LRIF1: variants seen among roughly 807,000 people sequenced by gnomAD.
LRIF1 encodes ligand dependent nuclear receptor interacting factor 1.
A neutral mutation model predicts 52.7 loss-of-function variants in LRIF1; 32 were observed. The observed-to-expected ratio is 0.61, with a 90% CI of 0.46 to 0.82. The LOEUF (loss-of-function observed/expected upper bound fraction) is 0.82, where lower values mean the gene tolerates loss of function less well. Among genes scored for constraint, LRIF1 ranks in the 40% least tolerant of loss-of-function variants. The pLI, the probability that LRIF1 is intolerant of heterozygous loss-of-function variation, is 0.00. For synonymous variants in LRIF1, 323 were observed against 317.4 expected (o/e 1.02, Z -0.19); for missense variants, 887 against 892.0 (o/e 0.99, Z 0.07).
chr1:110,886,021 T>TTTTA, the LRIF1 span, among the ~76,000 whole-genome samples: 1 of 152,232 alleles, frequency 6.6e-6, no homozygotes, highest in East Asian at 1.9e-4. Context: ...AGAGGATTGC[T>TTTTA]TTTAACATTT....
the LRIF1 span, chr1:110,941,315 T>C: frequency 3.3e-5 from 5 of 152,054 alleles, no homozygotes; most frequent in East Asian, 9.6e-4. Context: ...TTAAGAACCA[T>C]TAATTTATAC....
the LRIF1 span, among the ~76,000 whole-genome samples, chr1:110,876,355 A>G: frequency 6.6e-6 from 1 of 152,208 alleles, no homozygotes; most frequent in Non-Finnish European, 1.5e-5. Context: ...TGTATTCTTC[A>G]TTTACATAAA....
the LRIF1 span, among the ~76,000 whole-genome samples, chr1:110,898,159 C>T: frequency 4.6e-5 from 7 of 151,982 alleles, no homozygotes; most frequent in African/African-American, 1.5e-4. Flanking sequence ...AGGCAGATCA[C>T]GAGGTCAGGA....
the LRIF1 span, among the ~76,000 whole-genome samples, chr1:110,901,834 T>C: frequency 6.6e-6 from 1 of 152,220 alleles, no homozygotes; most frequent in African/African-American, 2.4e-5. Flanking sequence ...ATGCACAAAA[T>C]GAAACTTATC....
Position 110,951,831 on chromosome 1 carries a change from A to G in LRIF1, c.1053T>C (p.Pro351=), listed in dbSNP as rs781151857. The G allele has an allele frequency of 6.2e-7, 1 of 1,612,956 alleles. No individual in the cohort carries two copies. Among genetic ancestry groups the G allele is most frequent in the Non-Finnish European group, 8.5e-7 (1 of 1,180,024 alleles). Residue 351 remains proline, a synonymous_variant, in exon 2 of 4, where the codon CCT becomes CCC. Coordinates refer to ENST00000369763, the MANE Select transcript of LRIF1 (RefSeq NM_018372.4). ...ACATAACCAAAGCATTATCTTTAAT[A>G]GGCATATTTTTGGATCGCGTCCCAC... ...DPSGTRSKNM[P]IKDNALVMFN...
chr1:110,907,803 G>T, the LRIF1 span, among the ~76,000 whole-genome samples: 4 of 151,928 alleles, frequency 2.6e-5, no homozygotes, highest in Non-Finnish European at 5.9e-5. Flanking sequence ...AACCCAGATG[G>T]CCCACTCACA....
the LRIF1 span, chr1:110,937,127 T>C: frequency 6.6e-6 from 1 of 152,224 alleles, no homozygotes; most frequent in African/African-American, 2.4e-5. Context: ...AATACAATAA[T>C]AGCTGGAGAC....
chr1:110,906,047 A>G, the LRIF1 span, among the ~76,000 whole-genome samples: 1 of 152,182 alleles, frequency 6.6e-6, no homozygotes, highest in African/African-American at 2.4e-5. Context: ...AATAAAAAGC[A>G]AGAAACTAAA....
the LRIF1 span, among the ~76,000 whole-genome samples, chr1:110,879,868 T>G: frequency 1.3e-5 from 2 of 152,194 alleles, no homozygotes; most frequent in Non-Finnish European, 2.9e-5. Flanking sequence ...ATGGCGAGCC[T>G]GATCGAGGTT....
chr1:110,953,312 T>C (rs1658560291), intron 1 of LRIF1, among the ~76,000 whole-genome samples: 1 of 152,208 alleles, frequency 6.6e-6, no homozygotes, highest in African/African-American at 2.4e-5. Flanking sequence ...CTAAGCTATC[T>C]CTCATGGTGT....
the LRIF1 span, among the ~76,000 whole-genome samples, chr1:110,885,552 A>AAAC: frequency 3.3e-5 from 5 of 149,832 alleles, no homozygotes; most frequent in African/African-American, 4.9e-5. Context: ...AACAAAAAAC[A>AAAC]AACAACAACA....
the LRIF1 span, among the ~76,000 whole-genome samples, chr1:110,915,015 T>C: frequency 6.6e-6 from 1 of 152,182 alleles, no homozygotes; most frequent in African/African-American, 2.4e-5. Flanking sequence ...AGTAGCAGCA[T>C]TATTTTTAAC....
chr1:110,962,555 A>G (rs375321860), intron 1 of LRIF1, among the ~76,000 whole-genome samples: 1 of 151,900 alleles, frequency 6.6e-6, no homozygotes, highest in African/African-American at 2.4e-5. Context: ...TTGTATGCTT[A>G]TAATAGTAAT....
At chr1:110,926,265 G>A in the LRIF1 span, among the ~76,000 whole-genome samples, 4 of 151,940 alleles carry the variant, frequency 2.6e-5, no homozygotes, top group Admixed American at 6.5e-5. Flanking sequence ...GGGTAATCAT[G>A]ACAACACAAT....
chr1:110,928,114 G>A, the LRIF1 span, among the ~76,000 whole-genome samples: 1 of 152,118 alleles, frequency 6.6e-6, no homozygotes, highest in Non-Finnish European at 1.5e-5. Flanking sequence ...TTTTGGCGGA[G>A]TAGGTCTGAA....
At chr1:110,934,195 A>G in the LRIF1 span, among the ~76,000 whole-genome samples, 35 of 152,318 alleles carry the variant, frequency 2.3e-4, no homozygotes, top group Non-Finnish European at 4.1e-4. Flanking sequence ...AGTGATACCC[A>G]GGTACTATGT....
In LRIF1 at chr1:110,952,135, TA is replaced by T. The variant is rs1282287366; in HGVS notation, c.748del (p.Tyr250ThrfsTer8). ...NVVTKNFQNI[Y>X]PKPVTEIAKP... ...TGCTATTTCTGTAACAGGTTTTGGGTAAATGTTTTGAAAGTTCTTGGTAACT... is the reference window on the plus strand; with the variant it reads ...TGCTATTTCTGTAACAGGTTTTGGGTAATGTTTTGAAAGTTCTTGGTAACT... On this transcript the variant is annotated frameshift_variant, in exon 2 of 4. Transcript: ENST00000369763. LOFTEE classifies it high-confidence loss of function. The T allele has an allele frequency of 6.2e-7, 1 of 1,614,184 alleles. No individual in the cohort carries two copies. The highest frequency in any genetic ancestry group is 8.5e-7 in the Non-Finnish European group (1 of 1,180,008).
chr1:110,928,989 T>C, the LRIF1 span, among the ~76,000 whole-genome samples: 1 of 152,198 alleles, frequency 6.6e-6, no homozygotes. Context: ...TTAAACCTTT[T>C]TATTTTCATC....
At chr1:110,894,865 C>A in the LRIF1 span, 3 of 896,540 alleles carry the variant, frequency 3.3e-6, no homozygotes, top group African/African-American at 1.6e-5. Context: ...GGAAGGGAAG[C>A]GCAAGTGGAA....
Sources: allele counts gnomAD v4.1 joint callset (sites outside exome capture counted in the v4.1 genomes callset), GRCh38; gene constraint gnomAD v4.1.1; transcripts MANE v1.5; gene names NCBI Gene and HGNC (gene_info 2026-07-23, HGNC 2026-07-21).